The following ESRRB variants were observed in gnomAD, a reference collection of about 807,000 sequenced individuals.
The protein encoded by ESRRB is steroid hormone receptor ERR2.
Under a neutral mutation model 46.0 loss-of-function variants are expected in ESRRB, and 16 were observed. The observed-to-expected ratio is 0.35, with a 90% confidence interval of 0.24 to 0.53. The LOEUF is 0.53. ESRRB is among the 20% of genes least tolerant of loss of function. The pLI, the probability that ESRRB is intolerant of heterozygous loss-of-function variation, is 0.93. For missense variants in ESRRB, 488 were observed against 607.4 expected (o/e 0.80, Z 2.07); for synonymous variants, 246 against 259.6 (o/e 0.95, Z 0.50).
chr14:76,315,499 A>C (rs1423352817), intron 1 of ESRRB, among the ~76,000 whole-genome samples: 1 of 152,172 alleles, frequency 6.6e-6, no homozygotes, highest in African/African-American at 2.4e-5. Flanking sequence ...TTGAGTTACG[A>C]AACCCCTCAG....
At chr14:76,323,942 T>G (rs1352608778) in intron 1 of ESRRB, among the ~76,000 whole-genome samples, 1 of 152,082 alleles carries the variant, frequency 6.6e-6, no homozygotes, top group African/African-American at 2.4e-5. Flanking sequence ...CATGTAAGTA[T>G]CTCTGCCTGG....
chr14:76,395,097 G>A (rs900547839), intron 1 of ESRRB, among the ~76,000 whole-genome samples: 18 of 151,400 alleles, frequency 1.2e-4, no homozygotes, highest in Middle Eastern at 3.4e-3. Context: ...GGAGCTCTCC[G>A]TTTCCGACAG....
chr14:76,476,809 C>T (rs935676797), intron 3 of ESRRB, among the ~76,000 whole-genome samples: 4 of 152,180 alleles, frequency 2.6e-5, no homozygotes, highest in African/African-American at 2.4e-5. Flanking sequence ...GCTGCAAGGT[C>T]GTTGCCACAC....
chr14:76,387,273 T>C (rs1222937683), intron 1 of ESRRB, among the ~76,000 whole-genome samples: 1 of 152,182 alleles, frequency 6.6e-6, no homozygotes, highest in Admixed American at 6.5e-5. Flanking sequence ...TCGCACAGCC[T>C]TGGTAAACAC....
intron 1 of ESRRB, among the ~76,000 whole-genome samples, chr14:76,428,786 C>G (rs1350413292): frequency 6.6e-6 from 1 of 152,186 alleles, no homozygotes; most frequent in Non-Finnish European, 1.5e-5. Context: ...GGATAAAAAG[C>G]CCTGATTGAA....
In ESRRB at chr14:76,406,461, C is replaced by T. The variant is rs568430348; in HGVS notation, c.50+30010C>T. 1.1e-4 allele frequency among the ~76,000 whole-genome samples: 16 copies of T among 152,216 alleles called. No homozygotes were observed. The East Asian group carries it at 1.2e-3, about 11-fold the overall frequency. On this transcript the variant is annotated intron_variant, in intron 1 of 6. Transcript: ENST00000644823. ...AATGTCACATTGGTTAAAACAGTGC[C>T]CCGGCTGGGTGCAGTGGCTCACACC...
intron 3 of ESRRB, among the ~76,000 whole-genome samples, chr14:76,472,052 C>T (rs2140011310): frequency 6.6e-6 from 1 of 152,340 alleles, no homozygotes; most frequent in African/African-American, 2.4e-5. Context: ...TAGTTAATGA[C>T]AGAGCTGGGT....
At chr14:76,475,038 G>T (rs1889522766) in intron 3 of ESRRB, among the ~76,000 whole-genome samples, 2 of 152,092 alleles carry the variant, frequency 1.3e-5, no homozygotes, top group African/African-American at 4.8e-5. Flanking sequence ...AGACCAGCCT[G>T]GGCAACATAG....
At chr14:76,441,191 G>T (rs114421568) in intron 2 of ESRRB, among the ~76,000 whole-genome samples, 2,040 of 152,276 alleles carry the variant, frequency 0.013, 45 homozygotes, top group African/African-American at 0.047. Context: ...TAGCTAGAAC[G>T]ACAGTCGCTG....
rs112580448 is a variant in ESRRB, at chr14:76,410,597, C to T, written c.51-28744C>T. On this transcript the variant is annotated intron_variant, in intron 1 of 6. Transcript: ENST00000644823. ...ATGGAGGCACAGGTTGGTTAAGTGC[C>T]CACTGGTGAAGGGCCAGGATCCAAA... Among the ~76,000 whole-genome samples the T allele has an allele frequency of 9.1e-3, 1,383 of 152,166 alleles. 13 individuals are homozygous for T. Among genetic ancestry groups the T allele is most frequent in the Admixed American group, 0.014 (218 of 15,288 alleles).
rs73320346 is a variant in ESRRB at position 76,501,495 on chromosome 14, C to G, written c.*3037C>G. 6.2e-4 allele frequency: 95 copies of G among 152,296 alleles called. 1 individual carries two copies. Among genetic ancestry groups the G allele is most frequent in the African/African-American group, 1.8e-3 (76 of 41,526 alleles). The allele number at this position is 152,296 out of a possible 1,614,324, so 9.4% of individuals were successfully genotyped here. ...GTCGGTGGGGGGGGCCTCCTTTCCC[C>G]ATAGACTCTGCCCTCCCTCTGTGCA... On this transcript the variant is annotated 3_prime_UTR_variant, in exon 7 of 7. Coordinates refer to ENST00000644823, the MANE Select transcript of ESRRB (RefSeq NM_001379180.1).
chr14:76,414,549 C>A (rs149759291), intron 1 of ESRRB, among the ~76,000 whole-genome samples: 1 of 151,330 alleles, frequency 6.6e-6, no homozygotes, highest in African/African-American at 2.4e-5. Context: ...TCTTTACTTT[C>A]TTCGCTTGCT....
chr14:76,474,057 A>G (rs1006690946), intron 3 of ESRRB, among the ~76,000 whole-genome samples: 1 of 152,254 alleles, frequency 6.6e-6, no homozygotes, highest in Non-Finnish European at 1.5e-5. Context: ...AGTTGGACAA[A>G]GGCAGCCATC....
chr14:76,470,160 G>C (rs970149004), intron 3 of ESRRB, among the ~76,000 whole-genome samples: 2 of 151,950 alleles, frequency 1.3e-5, no homozygotes, highest in African/African-American at 4.8e-5. Context: ...TGTTGGCCCA[G>C]GCTAGTCTTG....
At chr14:76,357,653 AT>A (rs1197766401) in intron 1 of ESRRB, among the ~76,000 whole-genome samples, 5 of 152,148 alleles carry the variant, frequency 3.3e-5, no homozygotes, top group Non-Finnish European at 7.4e-5. Flanking sequence ...AGCTGGTACT[AT>A]GGCATGCACC....
intron 6 of ESRRB, among the ~76,000 whole-genome samples, chr14:76,492,534 G>A (rs994621427): frequency 6.6e-6 from 1 of 152,160 alleles, no homozygotes; most frequent in South Asian, 2.1e-4. Flanking sequence ...AATTCTTATT[G>A]TTGCAACCCC....
chr14:76,376,462 T>A lies in ESRRB; in HGVS notation c.50+11T>A, dbSNP rs1884770021. On this transcript the variant is annotated intron_variant, in intron 1 of 6. Coordinates refer to ENST00000644823, the MANE Select transcript of ESRRB (RefSeq NM_001379180.1). This position sits in a 1 kb window ranked among gnomAD's most constrained non-coding sequence, Gnocchi z 4.1. ...CGGCTACCACAACCAGTAGGTGCCC[T>A]GCTTCTCGGTCTGTCTGTCCTTCTG... is the stretch of plus-strand genomic sequence containing the variant. The A allele has an allele frequency of 8.1e-7, 1 of 1,231,432 alleles. No individual in the cohort carries two copies. Among genetic ancestry groups the A allele is most frequent in the Admixed American group, 4.2e-5 (1 of 23,696 alleles). 76.3% of individuals were successfully genotyped at this position (1,231,432 alleles called of 1,614,324 possible).
intron 1 of ESRRB, among the ~76,000 whole-genome samples, chr14:76,437,350 T>G (rs1324815812): frequency 6.6e-6 from 1 of 152,104 alleles, no homozygotes. Context: ...TTAATTTGTA[T>G]TAATCATTAA....
chr14:76,322,572 A>AGGT (rs1883880414), intron 1 of ESRRB, among the ~76,000 whole-genome samples: 19 of 151,102 alleles, frequency 1.3e-4, no homozygotes, highest in African/African-American at 4.1e-4. Context: ...TCCCCACCAT[A>AGGT]CTCTTTCCAC....
Sources: allele counts gnomAD v4.1 joint callset (sites outside exome capture counted in the v4.1 genomes callset), GRCh38; gene constraint gnomAD v4.1.1; non-coding constraint Gnocchi (gnomAD v3.1); transcripts MANE v1.5; gene names NCBI Gene and HGNC (gene_info 2026-07-23, HGNC 2026-07-21).